Variants in PCDHA6 observed in about 807,000 individuals in gnomAD.
PCDHA6 encodes the protein protocadherin alpha-6.
PCDHA6 carries 55 observed loss-of-function variants against 60.3 expected under a neutral mutation model. The observed-to-expected ratio is 0.91, with a 90% confidence interval of 0.73 to 1.14. The LOEUF (loss-of-function observed/expected upper bound fraction) is 1.14. Among genes scored for constraint, PCDHA6 ranks in the 50% most tolerant of loss-of-function variants. The pLI, the probability that PCDHA6 is intolerant of heterozygous loss-of-function variation, is 0.00. For synonymous variants in PCDHA6, 652 were observed against 557.9 expected (o/e 1.17, Z -2.38); for missense variants, 1,327 against 1,256.5 (o/e 1.06, Z -0.85).
In PCDHA6 at chr5:141,011,598, G is replaced by A. The variant is rs530366689; in HGVS notation, c.*1661G>A. ...TTAAATCAAGATACTGGTGATTCAA[G>A]GAATTTTATTTATGGTCCAGCCAAG... On this transcript the variant is annotated 3_prime_UTR_variant, in exon 4 of 4. Transcript: ENST00000529310. 6.5e-6 allele frequency: 1 copy of A among 153,736 alleles called. No homozygotes were observed. Among genetic ancestry groups the A allele is most frequent in the Non-Finnish European group, 1.5e-5 (1 of 68,012 alleles). The allele number at this position is 153,736 out of a possible 1,614,324, so 9.5% of individuals were successfully genotyped here.
chr5:140,896,718 T>C (rs1331880145), intron 1 of PCDHA6, among the ~76,000 whole-genome samples: 1 of 152,138 alleles, frequency 6.6e-6, no homozygotes, highest in East Asian at 1.9e-4. Context: ...TTTTGCTTGT[T>C]AATTTGTTTA....
intron 1 of PCDHA6, among the ~76,000 whole-genome samples, chr5:140,915,719 T>C (rs545655335): frequency 6.6e-6 from 1 of 152,074 alleles, no homozygotes; most frequent in African/African-American, 2.4e-5. Context: ...GCCCCCACTT[T>C]GGATTGTGCT....
intron 1 of PCDHA6, among the ~76,000 whole-genome samples, chr5:140,887,955 C>A (rs568878730): frequency 4.4e-4 from 67 of 152,206 alleles, no homozygotes; most frequent in African/African-American, 1.6e-3. Flanking sequence ...GTATAAGATT[C>A]TTTTTGTCTC....
In PCDHA6 at chr5:140,852,077, T is replaced by C. The variant is rs1291291529; in HGVS notation, c.2394+21592T>C. 28 of 903,448 alleles carry C rather than the reference T, an allele frequency of 3.1e-5. 1 individual carries two copies. The highest frequency in any genetic ancestry group is 3.8e-5 in the Non-Finnish European group (28 of 741,468). The allele number at this position is 903,448 out of a possible 1,614,324, so 56.0% of individuals were successfully genotyped here. ...ATATTTTTCTTTCTCTTTCAGCTAT[T>C]TTATTTAATATTGTGTCAGATATTT... is the stretch of plus-strand genomic sequence containing the variant. On this transcript the variant is annotated intron_variant, in intron 1 of 3. Coordinates refer to ENST00000529310, the MANE Select transcript of PCDHA6 (RefSeq NM_018909.4).
At chr5:140,862,837 A>T (rs1562571150) in intron 1 of PCDHA6, 1 of 575,832 alleles carries the variant, frequency 1.7e-6, no homozygotes, top group African/African-American at 1.9e-5. Context: ...CGACGCGGGC[A>T]TGCCGCCTCT....
At chr5:140,948,245 A>G (rs1554218500) in intron 1 of PCDHA6, among the ~76,000 whole-genome samples, 2 of 151,606 alleles carry the variant, frequency 1.3e-5, no homozygotes, top group African/African-American at 4.8e-5. Flanking sequence ...TTTAGTAAAT[A>G]TTTTTACATC....
chr5:140,839,525 G>A (rs2150298665), intron 1 of PCDHA6, among the ~76,000 whole-genome samples: 9 of 151,898 alleles, frequency 5.9e-5, no homozygotes, highest in Admixed American at 1.3e-4. Context: ...AAGTTGCTGG[G>A]ACTATAGGCA....
In PCDHA6 at chr5:140,856,469, A is replaced by G. The variant is rs868928248; in HGVS notation, c.2394+25984A>G. 8.8e-6 allele frequency: 14 copies of G among 1,598,158 alleles called. 1 individual carries two copies. The highest frequency in any genetic ancestry group is 1.2e-5 in the Non-Finnish European group (14 of 1,167,896). ...CTCCGTAACAGAACAAAAGCTCTCA[A>G]TACCTGAATCCAGACTGCTTGACTC... is the stretch of plus-strand genomic sequence containing the variant. On this transcript the variant is annotated intron_variant, in intron 1 of 3. Transcript: ENST00000529310.
intron 1 of PCDHA6, among the ~76,000 whole-genome samples, chr5:140,957,708 T>TA (rs1330263414): frequency 6.6e-6 from 1 of 152,124 alleles, no homozygotes; most frequent in Non-Finnish European, 1.5e-5. Context: ...ATGTAGTTTT[T>TA]ATTAAGAAAG....
chr5:140,899,071 C>T (rs1436283947), intron 1 of PCDHA6, among the ~76,000 whole-genome samples: 1 of 152,106 alleles, frequency 6.6e-6, no homozygotes, highest in African/African-American at 2.4e-5. Flanking sequence ...AGTTGCTTAT[C>T]AGCTTAAGGA....
At chr5:140,844,738 A>G (rs1554140712) in intron 1 of PCDHA6, among the ~76,000 whole-genome samples, 2 of 149,560 alleles carry the variant, frequency 1.3e-5, no homozygotes, top group African/African-American at 4.9e-5. Context: ...AATATTTAGT[A>G]TTATGGGATA....
At chr5:140,994,848 T>C (rs1453646097) in intron 3 of PCDHA6, among the ~76,000 whole-genome samples, 2 of 151,686 alleles carry the variant, frequency 1.3e-5, no homozygotes, top group East Asian at 3.9e-4. Flanking sequence ...ATAAGATGAG[T>C]GCATTTGATG....
chr5:140,883,834 G>T (rs891069385), intron 1 of PCDHA6: 3 of 1,612,540 alleles, frequency 1.9e-6, no homozygotes, highest in Non-Finnish European at 2.5e-6. Context: ...CGCTGCAGCC[G>T]TTGGACCACG....
At chr5:140,962,318 A>G (rs2095672102) in intron 1 of PCDHA6, among the ~76,000 whole-genome samples, 1 of 152,338 alleles carries the variant, frequency 6.6e-6, no homozygotes, top group South Asian at 2.1e-4. Context: ...GGCCATCTCA[A>G]TTGAGAATAC....
At chr5:140,952,449 G>C (rs549255236) in intron 1 of PCDHA6, among the ~76,000 whole-genome samples, 1 of 152,242 alleles carries the variant, frequency 6.6e-6, no homozygotes. Context: ...AATACAGCCA[G>C]GCTCTTTGCT....
At chr5:140,961,384 A>G (rs568973458) in intron 1 of PCDHA6, among the ~76,000 whole-genome samples, 44 of 152,302 alleles carry the variant, frequency 2.9e-4, no homozygotes, top group Non-Finnish European at 5.7e-4. Flanking sequence ...AGTTTGAACT[A>G]TTCCATTAGT....
chr5:140,883,142 G>A (rs150205860), intron 1 of PCDHA6: 1 of 1,614,004 alleles, frequency 6.2e-7, no homozygotes, highest in South Asian at 1.1e-5. Flanking sequence ...AGTGGTATAT[G>A]CATTTACCAT....
chr5:140,852,333 A>G, intron 1 of PCDHA6: 1 of 262,614 alleles, frequency 3.8e-6, no homozygotes, highest in Non-Finnish European at 6.4e-6. Context: ...GCTGGAGTAC[A>G]GTGGCATGAT....
intron 1 of PCDHA6, chr5:140,875,761 G>A (rs373515339): frequency 1.9e-6 from 3 of 1,614,236 alleles, no homozygotes; most frequent in East Asian, 2.2e-5. Flanking sequence ...GAAGCTGTGC[G>A]GGCGGAGCGC....
Sources: allele counts gnomAD v4.1 joint callset (sites outside exome capture counted in the v4.1 genomes callset), GRCh38; gene constraint gnomAD v4.1.1; transcripts MANE v1.5; gene names NCBI Gene and HGNC (gene_info 2026-07-23, HGNC 2026-07-21).